SPRED1: variants seen among roughly 807,000 people sequenced by gnomAD.
SPRED1 encodes the protein sprouty-related, EVH1 domain-containing protein 1.
In SPRED1, 18 loss-of-function variants were observed where a neutral mutation model predicts 52.3. The ratio of observed to expected loss-of-function variants is 0.34; its 90% CI spans 0.24 to 0.51. SPRED1 has a LOEUF of 0.51. SPRED1 is among the 20% of genes least tolerant of loss of function. The pLI is 0.97. For missense variants in SPRED1, 485 were observed against 551.0 expected (o/e 0.88, Z 1.20); for synonymous variants, 155 against 179.7 (o/e 0.86, Z 1.10).
chr15:38,326,020 TCAGA>T (rs1895704393), intron 4 of SPRED1: 1 of 152,230 alleles, frequency 6.6e-6, no homozygotes, highest in African/African-American at 2.4e-5. Flanking sequence ...GACTCAGGAC[TCAGA>T]CAGTAAATAA....
In SPRED1 at chr15:38,353,732, T is replaced by A. The variant is rs1433185899; in HGVS notation, c.*2068T>A. ...ATATTTGTAAGTGCTAAGTTTATAA[T>A]TCAGGTTTGATCAAGGTGTGAATAA... On this transcript the variant is annotated 3_prime_UTR_variant, in exon 7 of 7. Coordinates refer to ENST00000299084, the MANE Select transcript of SPRED1 (RefSeq NM_152594.3). The A allele has an allele frequency of 1.3e-5, 2 of 152,572 alleles. No individual in the cohort carries two copies. The highest frequency in any genetic ancestry group is 2.9e-5 in the Non-Finnish European group (2 of 67,980). The allele number at this position is 152,572 out of a possible 1,614,324, so 9.5% of individuals were successfully genotyped here.
At chr15:38,319,070 A>G (rs1201277670) in intron 2 of SPRED1, among the ~76,000 whole-genome samples, 2 of 123,066 alleles carry the variant, frequency 1.6e-5, no homozygotes, top group South Asian at 3.1e-4. Context: ...TAATATTTTC[A>G]TGTATTAAAA....
chr15:38,304,034 T>C (rs1895200438), intron 2 of SPRED1, among the ~76,000 whole-genome samples: 2 of 152,254 alleles, frequency 1.3e-5, no homozygotes, highest in Non-Finnish European at 2.9e-5. Flanking sequence ...ATAATGGTTC[T>C]ATTGTTTAAA....
chr15:38,275,589 C>T (rs997850277), intron 1 of SPRED1, among the ~76,000 whole-genome samples: 1 of 152,236 alleles, frequency 6.6e-6, no homozygotes, highest in South Asian at 2.1e-4. Flanking sequence ...CCTTTGCCTC[C>T]CAGGTTCAAT....
At chr15:38,314,295 T>C (rs988745262) in intron 2 of SPRED1, among the ~76,000 whole-genome samples, 13 of 151,864 alleles carry the variant, frequency 8.6e-5, no homozygotes, top group Admixed American at 6.6e-4. Context: ...GATATGTTAC[T>C]CTGATTATAG....
At chr15:38,281,096 T>C (rs888152876) in intron 1 of SPRED1, among the ~76,000 whole-genome samples, 1 of 152,184 alleles carries the variant, frequency 6.6e-6, no homozygotes, top group African/African-American at 2.4e-5. Context: ...AAACCTCATA[T>C]AATAATGGGA....
At chr15:38,311,519 TG>T (rs1895367451) in intron 2 of SPRED1, among the ~76,000 whole-genome samples, 1 of 152,154 alleles carries the variant, frequency 6.6e-6, no homozygotes, top group Non-Finnish European at 1.5e-5. Context: ...CGTTTTTAGA[TG>T]GTAGAATTTT....
At chr15:38,291,682 C>G (rs1894926968) in intron 1 of SPRED1, among the ~76,000 whole-genome samples, 1 of 152,232 alleles carries the variant, frequency 6.6e-6, no homozygotes, top group Non-Finnish European at 1.5e-5. Context: ...CCCTCTGAAG[C>G]AACAGCTTGA....
intron 1 of SPRED1, among the ~76,000 whole-genome samples, chr15:38,297,643 A>G (rs1011872258): frequency 1.3e-5 from 2 of 151,720 alleles, no homozygotes; most frequent in Admixed American, 6.6e-5. Context: ...TTTGACCCCA[A>G]TAATAGATAA....
intron 1 of SPRED1, among the ~76,000 whole-genome samples, chr15:38,264,571 T>TA (rs1555387453): frequency 7.3e-5 from 11 of 151,312 alleles, no homozygotes; most frequent in East Asian, 3.9e-4. Context: ...ATGTTTTTTT[T>TA]AAAAAAGAGT....
intron 1 of SPRED1, among the ~76,000 whole-genome samples, chr15:38,292,728 A>G (rs1177434536): frequency 6.6e-6 from 1 of 152,180 alleles, no homozygotes; most frequent in Admixed American, 6.5e-5. Context: ...GGGAGATACA[A>G]TTCAAGTTCA....
chr15:38,338,700 T>C (rs1326762258), intron 4 of SPRED1, among the ~76,000 whole-genome samples: 1 of 152,186 alleles, frequency 6.6e-6, no homozygotes, highest in Non-Finnish European at 1.5e-5. Context: ...CCCAGTGTCA[T>C]AAAATAGCAT....
At chr15:38,312,127 A>G (rs1206017429) in intron 2 of SPRED1, among the ~76,000 whole-genome samples, 1 of 152,114 alleles carries the variant, frequency 6.6e-6, no homozygotes, top group Non-Finnish European at 1.5e-5. Flanking sequence ...CAAAGGTTGA[A>G]TATCTCCAAC....
At chr15:38,341,093 A>G (rs1896021939) in intron 5 of SPRED1, among the ~76,000 whole-genome samples, 2 of 148,286 alleles carry the variant, frequency 1.3e-5, no homozygotes, top group South Asian at 4.2e-4. Context: ...TGTGTCAGCT[A>G]TGACAAGTTA....
At chr15:38,325,978 G>A (rs564075643) in intron 4 of SPRED1, 113 of 152,344 alleles carry the variant, frequency 7.4e-4, no homozygotes, top group African/African-American at 2.6e-3. Flanking sequence ...GAGTGCTGCT[G>A]TAACAAATAC....
At chr15:38,277,302 G>A (rs1370300159) in intron 1 of SPRED1, among the ~76,000 whole-genome samples, 1 of 152,106 alleles carries the variant, frequency 6.6e-6, no homozygotes, top group African/African-American at 2.4e-5. Context: ...CCTGGTGTCT[G>A]TTCCCTTCTT....
intron 2 of SPRED1, among the ~76,000 whole-genome samples, chr15:38,320,312 A>T (rs954837172): frequency 6.6e-6 from 1 of 152,128 alleles, no homozygotes; most frequent in Non-Finnish European, 1.5e-5. Flanking sequence ...AGCCTAAAAG[A>T]TTTCTGAGGA....
chr15:38,296,316 G>A (rs995179055), intron 1 of SPRED1, among the ~76,000 whole-genome samples: 1 of 152,076 alleles, frequency 6.6e-6, no homozygotes, highest in Non-Finnish European at 1.5e-5. Flanking sequence ...AAAAATTTCT[G>A]CAACTATTAA....
chr15:38,286,530 C>T (rs1213175100), intron 1 of SPRED1, among the ~76,000 whole-genome samples: 1 of 112,078 alleles, frequency 8.9e-6, no homozygotes, highest in Non-Finnish European at 1.8e-5. Flanking sequence ...CTCCTCTAAT[C>T]ATTACTTATG....
Sources: gnomAD v4.1 joint callset for allele counts (sites outside exome capture counted in the v4.1 genomes callset) on GRCh38, gnomAD v4.1.1 for gene constraint, MANE v1.5 for transcripts, NCBI Gene and HGNC (gene_info 2026-07-23, HGNC 2026-07-21) for gene names.